The following SHOC2 variants were observed in gnomAD, a reference collection of about 807,000 sequenced individuals.
SHOC2 encodes SHOC2 leucine rich repeat scaffold protein.
Under a neutral mutation model 50.2 loss-of-function variants are expected in SHOC2, and 4 were observed. The ratio of observed to expected loss-of-function variants is 0.08; its 90% CI spans 0.04 to 0.18. SHOC2 has a LOEUF of 0.18. Among genes scored for constraint, SHOC2 ranks in the 10% least tolerant of loss-of-function variants. The pLI is 1.00. For synonymous variants in SHOC2, 218 were observed against 244.5 expected, an observed-to-expected ratio of 0.89 and a Z score of 1.01; for missense variants, 388 against 669.6, an observed-to-expected ratio of 0.58 and a Z score of 4.64.
chr10:110,999,736 C>CAAA (rs145780250), intron 3 of SHOC2, among the ~76,000 whole-genome samples: 4,682 of 81,046 alleles, frequency 0.058, 574 homozygotes, highest in Non-Finnish European at 0.079. Flanking sequence ...GACTCAGTCT[C>CAAA]AAAAAAAAAA....
intron 3 of SHOC2, among the ~76,000 whole-genome samples, chr10:110,987,276 G>A (rs532520921): frequency 3.3e-5 from 5 of 152,094 alleles, no homozygotes; most frequent in African/African-American, 1.2e-4. Flanking sequence ...TTTATTGGGA[G>A]AATTTATTTG....
Position 110,985,635 on chromosome 10 carries a change from A to T in SHOC2, c.711A>T (p.Leu237Phe). ...IKQLPAEIGE[L>F]CNLITLDVAH... ...ATGTTGGTCAATTTACAGGTGAATT[A>T]TGTAACCTCATTACGCTGGATGTAG... The change falls in exon 3 of 9, where the codon TTA becomes TTT. Residue 237 changes from leucine (L) to phenylalanine (F), a missense_variant. This residue lies in a region of SHOC2 where 88 missense variants were observed against 147.2 expected (regional missense o/e 0.60). Coordinates refer to ENST00000369452, the MANE Select transcript of SHOC2 (RefSeq NM_007373.4). The T allele has an allele frequency of 6.2e-7, 1 of 1,610,186 alleles. No individual in the cohort carries two copies. Among genetic ancestry groups the T allele is most frequent in the Non-Finnish European group, 8.5e-7 (1 of 1,177,352 alleles).
chr10:110,961,328 A>G (rs1405143493), intron 1 of SHOC2, among the ~76,000 whole-genome samples: 1 of 152,204 alleles, frequency 6.6e-6, no homozygotes, highest in African/African-American at 2.4e-5. Context: ...TCCAAGAAAC[A>G]TGAAAGATTA....
chr10:110,991,332 A>G (rs1590824639), intron 3 of SHOC2, among the ~76,000 whole-genome samples: 1 of 152,110 alleles, frequency 6.6e-6, no homozygotes, highest in African/African-American at 2.4e-5. Context: ...AAAACATTTG[A>G]TTTTATTATT....
At chr10:110,948,082 A>G (rs751221439) in intron 1 of SHOC2, among the ~76,000 whole-genome samples, 6 of 152,188 alleles carry the variant, frequency 3.9e-5, no homozygotes, top group Non-Finnish European at 7.4e-5. Flanking sequence ...GGCTATATTT[A>G]TGTAAGATAA....
At chr10:110,996,343 C>T (rs537727394) in intron 3 of SHOC2, among the ~76,000 whole-genome samples, 45 of 152,004 alleles carry the variant, frequency 3.0e-4, no homozygotes, top group Non-Finnish European at 3.8e-4. Context: ...GCCTGGGCAA[C>T]ATGGCGAAAC....
At chr10:111,006,613 G>A (rs1281935098) in intron 5 of SHOC2, among the ~76,000 whole-genome samples, 4 of 152,108 alleles carry the variant, frequency 2.6e-5, no homozygotes, top group African/African-American at 9.6e-5. Flanking sequence ...CTCGTGATCC[G>A]CCCGCCTCGG....
At chr10:110,982,990 C>T (rs1016338821) in intron 2 of SHOC2, among the ~76,000 whole-genome samples, 7 of 152,066 alleles carry the variant, frequency 4.6e-5, no homozygotes, top group African/African-American at 1.4e-4. Context: ...TTCTTAGTTA[C>T]AAATATTTAT....
intron 1 of SHOC2, chr10:110,936,535 T>G (rs1847015989): frequency 1.6e-6 from 1 of 632,544 alleles, no homozygotes; most frequent in Admixed American, 3.0e-5. Context: ...GCAGTATTTA[T>G]CTTGATTAGT....
At chr10:110,971,575 T>G (rs1847783749) in intron 2 of SHOC2, among the ~76,000 whole-genome samples, 1 of 152,142 alleles carries the variant, frequency 6.6e-6, no homozygotes, top group South Asian at 2.1e-4. Flanking sequence ...TTTTTTTTTC[T>G]TTTAAGAATG....
At chr10:110,980,691 C>A (rs1333364360) in intron 2 of SHOC2, among the ~76,000 whole-genome samples, 24 of 152,206 alleles carry the variant, frequency 1.6e-4, no homozygotes, top group Non-Finnish European at 2.9e-4. Flanking sequence ...GTCTAGATTC[C>A]TTAGGTTGAT....
chr10:110,999,801 A>T (rs1335770007), intron 3 of SHOC2, among the ~76,000 whole-genome samples: 2 of 151,484 alleles, frequency 1.3e-5, no homozygotes, highest in Non-Finnish European at 2.9e-5. Flanking sequence ...TATTTATTCG[A>T]TAATGACTAT....
intron 2 of SHOC2, among the ~76,000 whole-genome samples, chr10:110,970,226 C>T (rs2134128424): frequency 6.6e-6 from 1 of 152,300 alleles, no homozygotes; most frequent in South Asian, 2.1e-4. Flanking sequence ...CCTTCTCAGC[C>T]TCTAGTAACC....
intron 1 of SHOC2, among the ~76,000 whole-genome samples, chr10:110,943,719 C>T (rs1242108348): frequency 2.0e-5 from 3 of 152,118 alleles, no homozygotes; most frequent in African/African-American, 4.8e-5. Flanking sequence ...AGTAGTCTCA[C>T]CATGTTAAAT....
At position 110,964,348 on chromosome 10, in the gene SHOC2, C is replaced by T. The variant is rs757468449; in HGVS notation, c.-11C>T. The T allele has an allele frequency of 3.7e-6, 6 of 1,612,346 alleles. No homozygotes were observed. The highest frequency in any genetic ancestry group is 2.5e-6 in the Non-Finnish European group (3 of 1,179,108). ...GGAGTTCATGTAGTTTTTGTCCAGGCTTGAGTCACCATGAGTAGTAGTTTA... is the reference window on the plus strand; with the variant it reads ...GGAGTTCATGTAGTTTTTGTCCAGGTTTGAGTCACCATGAGTAGTAGTTTA... On this transcript the variant is annotated 5_prime_UTR_variant, in exon 2 of 9. Transcript: ENST00000369452. This position sits in a 1 kb window ranked among gnomAD's most constrained non-coding sequence, Gnocchi z 4.9.
chr10:110,998,001 T>C (rs1271782625), intron 3 of SHOC2, among the ~76,000 whole-genome samples: 6 of 149,780 alleles, frequency 4.0e-5, no homozygotes, highest in East Asian at 3.9e-4. Context: ...TTATAGTCTT[T>C]TTTTTTTTTT....
At chr10:110,981,866 A>T (rs200508027) in intron 2 of SHOC2, among the ~76,000 whole-genome samples, 475 of 2,262 alleles carry the variant, frequency 0.21, 3 homozygotes, top group East Asian at 0.4. Flanking sequence ...TTATTTATTT[A>T]TTTATTTTTT....
chr10:111,002,676 T>A (rs1455546986), intron 4 of SHOC2, among the ~76,000 whole-genome samples: 1 of 152,122 alleles, frequency 6.6e-6, no homozygotes. Context: ...AATATTTTTC[T>A]GGAAGTATGG....
intron 1 of SHOC2, among the ~76,000 whole-genome samples, chr10:110,941,811 A>AT (rs946713264): frequency 6.6e-5 from 10 of 151,342 alleles, no homozygotes; most frequent in Admixed American, 2.0e-4. Context: ...ATGAAAAAAA[A>AT]TTTTTTTTTG....
Sources: allele counts gnomAD v4.1 joint callset (sites outside exome capture counted in the v4.1 genomes callset), GRCh38; gene constraint gnomAD v4.1.1; regional missense constraint gnomAD v4.1.1; non-coding constraint Gnocchi (gnomAD v3.1); transcripts MANE v1.5; gene names NCBI Gene and HGNC (gene_info 2026-07-23, HGNC 2026-07-21).